Variants in GMDS observed in about 807,000 individuals in gnomAD.
GMDS encodes GDP-mannose 4,6 dehydratase.
Under a neutral mutation model 49.9 loss-of-function variants are expected in GMDS, and 20 were observed. That is an observed-to-expected ratio of 0.40 (90% CI 0.28 to 0.58). The LOEUF is 0.58. Among genes scored for constraint, GMDS ranks in the 20% least tolerant of loss-of-function variants. The pLI, the probability that GMDS is intolerant of heterozygous loss-of-function variation, is 0.42. For synonymous variants in GMDS, 177 were observed against 178.6 expected (o/e 0.99, Z 0.07); for missense variants, 362 against 481.4 (o/e 0.75, Z 2.32).
intron 1 of GMDS, among the ~76,000 whole-genome samples, chr6:2,128,745 G>T (rs1307926944): frequency 6.6e-6 from 1 of 152,206 alleles, no homozygotes; most frequent in East Asian, 1.9e-4. Flanking sequence ...CCATTACAGG[G>T]TATTTTATGG....
intron 9 of GMDS, among the ~76,000 whole-genome samples, chr6:1,637,053 A>C (rs529439623): frequency 2.0e-5 from 3 of 152,336 alleles, no homozygotes; most frequent in Non-Finnish European, 4.4e-5. Context: ...TGTGCCTCCT[A>C]GCCCAGCGCC....
intron 9 of GMDS, among the ~76,000 whole-genome samples, chr6:1,658,728 G>A (rs1056472214): frequency 3.3e-5 from 5 of 152,244 alleles, no homozygotes; most frequent in African/African-American, 1.2e-4. Context: ...AGACTATTTA[G>A]CTCGGCTTTC....
chr6:2,220,944 A>G (rs1780556955), intron 1 of GMDS, among the ~76,000 whole-genome samples: 1 of 152,210 alleles, frequency 6.6e-6, no homozygotes, highest in Non-Finnish European at 1.5e-5. Context: ...GGGGAGGCCA[A>G]CGTGGGAAGA....
intron 8 of GMDS, among the ~76,000 whole-genome samples, chr6:1,733,480 C>T (rs967004327): frequency 4.6e-5 from 7 of 152,094 alleles, no homozygotes; most frequent in African/African-American, 1.7e-4. Context: ...GGAGGGACCC[C>T]GATTCTGAAG....
chr6:1,708,482 G>T (rs889480287), intron 9 of GMDS, among the ~76,000 whole-genome samples: 1 of 152,218 alleles, frequency 6.6e-6, no homozygotes. Flanking sequence ...AACTGCCCGG[G>T]GCTAAGTCAG....
In GMDS at chr6:1,746,962, A is replaced by C. The variant is rs190224675; in HGVS notation, c.772-4376T>G. On this transcript the variant is annotated intron_variant, in intron 7 of 10. Coordinates refer to ENST00000380815, the MANE Select transcript of GMDS (RefSeq NM_001500.4). ...TGATCTGCCGGCCTCAGCCTCCCAA[A>C]GTGCTGAGATTACAGGTGTGAGCCA... Among the ~76,000 whole-genome samples the C allele has an allele frequency of 2.0e-3, 301 of 152,306 alleles. 1 individual carries two copies. Among genetic ancestry groups the C allele is most frequent in the African/African-American group, 7.0e-3 (290 of 41,558 alleles).
intron 1 of GMDS, among the ~76,000 whole-genome samples, chr6:2,182,794 C>T (rs557384137): frequency 3.9e-5 from 6 of 152,206 alleles, no homozygotes; most frequent in Non-Finnish European, 8.8e-5. Context: ...CATCCTCTAC[C>T]TCGCGGGCTC....
chr6:1,813,080 G>T (rs767918989), intron 7 of GMDS, among the ~76,000 whole-genome samples: 22 of 151,722 alleles, frequency 1.5e-4, no homozygotes, highest in Admixed American at 1.3e-3. Flanking sequence ...TAATTAGCTG[G>T]GTCTGGTGGT....
Position 1,701,459 on chromosome 6 carries a change from C to T in GMDS, c.987+24957G>A, listed in dbSNP as rs115695572. On this transcript the variant is annotated intron_variant, in intron 9 of 10. Coordinates refer to ENST00000380815, the MANE Select transcript of GMDS (RefSeq NM_001500.4). ...TTACATGTTTTCAAAACACATGACC[C>T]GCATCTACTCTGACACTTTCCCATT... 8.4e-4 allele frequency among the ~76,000 whole-genome samples: 128 copies of T among 152,228 alleles called. 1 individual carries two copies. Among genetic ancestry groups the T allele is most frequent in the African/African-American group, 3.1e-3 (127 of 41,526 alleles).
chr6:1,927,070 G>A (rs1762045334), intron 7 of GMDS, among the ~76,000 whole-genome samples: 1 of 151,290 alleles, frequency 6.6e-6, no homozygotes, highest in African/African-American at 2.4e-5. Context: ...TTTATTCAGA[G>A]GGTAGCGTGT....
At chr6:1,693,118 C>G (rs1411039910) in intron 9 of GMDS, among the ~76,000 whole-genome samples, 2 of 152,210 alleles carry the variant, frequency 1.3e-5, no homozygotes, top group Non-Finnish European at 2.9e-5. Context: ...AGAGGCAAGA[C>G]CCTTCCGAAC....
chr6:2,063,042 T>C (rs1771285276), intron 4 of GMDS, among the ~76,000 whole-genome samples: 1 of 152,222 alleles, frequency 6.6e-6, no homozygotes, highest in African/African-American at 2.4e-5. Flanking sequence ...GCATTTGCTA[T>C]GATGAGCCAG....
intron 4 of GMDS, among the ~76,000 whole-genome samples, chr6:1,980,703 T>C (rs890845913): frequency 3.3e-5 from 5 of 152,210 alleles, no homozygotes; most frequent in Non-Finnish European, 5.9e-5. Context: ...CAAGAGGATC[T>C]GATAGATATT....
chr6:1,811,795 TTGAG>T (rs1331345153), intron 7 of GMDS, among the ~76,000 whole-genome samples: 1 of 152,220 alleles, frequency 6.6e-6, no homozygotes, highest in African/African-American at 2.4e-5. Flanking sequence ...CTGCAATTCT[TTGAG>T]TAAGTTTGAT....
At chr6:2,107,628 G>C (rs1014193687) in intron 4 of GMDS, among the ~76,000 whole-genome samples, 1 of 152,228 alleles carries the variant, frequency 6.6e-6, no homozygotes, top group Non-Finnish European at 1.5e-5. Flanking sequence ...CAACAGGACT[G>C]ATCAGAAAGA....
chr6:2,092,932 T>C (rs371066193), intron 4 of GMDS, among the ~76,000 whole-genome samples: 3 of 151,928 alleles, frequency 2.0e-5, no homozygotes, highest in East Asian at 1.9e-4. Context: ...TAATAGGAGG[T>C]TGTCAAGAAA....
chr6:1,994,450 A>AG (rs1342143608), intron 4 of GMDS, among the ~76,000 whole-genome samples: 1 of 152,174 alleles, frequency 6.6e-6, no homozygotes, highest in Non-Finnish European at 1.5e-5. Context: ...CAAAGCATCA[A>AG]GAAGGCAGGC....
At chr6:1,995,094 C>G (rs563388756) in intron 4 of GMDS, among the ~76,000 whole-genome samples, 1 of 152,166 alleles carries the variant, frequency 6.6e-6, no homozygotes, top group Non-Finnish European at 1.5e-5. Context: ...ACCTGCAAGC[C>G]GTAAGCAGCA....
rs375911054 is a variant in GMDS, at chr6:2,144,758, T to C, written c.103-20027A>G. On this transcript the variant is annotated intron_variant, in intron 1 of 10. Coordinates refer to ENST00000380815, the MANE Select transcript of GMDS (RefSeq NM_001500.4). Reference sequence around the variant, plus strand: ...ATATATAGAAAATAAAAACCGTAAATAATACACCAGACTACCTGACTTCAA... The same window carrying C: ...ATATATAGAAAATAAAAACCGTAAACAATACACCAGACTACCTGACTTCAA... Among the ~76,000 whole-genome samples the C allele has an allele frequency of 1.4e-4, 21 of 152,198 alleles. No homozygotes were observed. In the East Asian group the frequency reaches 2.1e-3, roughly 15 times the overall value.
Sources: allele counts gnomAD v4.1 joint callset (sites outside exome capture counted in the v4.1 genomes callset), GRCh38; gene constraint gnomAD v4.1.1; transcripts MANE v1.5; gene names NCBI Gene and HGNC (gene_info 2026-07-23, HGNC 2026-07-21).